Variants in MYH13 observed in about 807,000 individuals in gnomAD.
MYH13 encodes myosin-13.
In MYH13, 177 loss-of-function variants were observed where a neutral mutation model predicts 232.1. That is an observed-to-expected ratio of 0.76 (90% CI 0.67 to 0.86). MYH13 has a LOEUF of 0.86. MYH13 is among the 40% of genes least tolerant of loss of function. The pLI, the probability that MYH13 is intolerant of heterozygous loss-of-function variation, is 0.00. For synonymous variants in MYH13, 884 were observed against 923.5 expected, an observed-to-expected ratio of 0.96 and a Z score of 0.78; for missense variants, 2,246 against 2,405.9, an observed-to-expected ratio of 0.93 and a Z score of 1.39.
chr17:10,328,100 C>T lies in MYH13; in HGVS notation c.2457G>A (p.Gln819=), dbSNP rs2277644. The T allele has an allele frequency of 0.19, 309,139 of 1,613,528 alleles. 33,039 individuals are homozygous for T. Among genetic ancestry groups the T allele is most frequent in the East Asian group, 0.49 (21,975 of 44,822 alleles). ...CGTTCATAAAAGAGCGGATGTTGTACTGGATGCAGAAGATGGAGTCCCTGT... is the reference window on the plus strand; with the variant it reads ...CGTTCATAAAAGAGCGGATGTTGTATTGGATGCAGAAGATGGAGTCCCTGT... ...MERRDSIFCI[Q]YNIRSFMNVK... The change falls in exon 22 of 41, where the codon CAG becomes CAA. Residue 819 remains glutamine, a synonymous_variant. Coordinates refer to ENST00000252172, the MANE Select transcript of MYH13 (RefSeq NM_003802.3).
At chr17:10,301,537 C>G (rs1408798024) in intron 40 of MYH13, 32 bp downstream of exon 40, 4 of 1,613,100 alleles carry the variant, frequency 2.5e-6, no homozygotes, top group Non-Finnish European at 3.4e-6. Context: ...CTGTTCTTAG[C>G]TGGCCCCTAT....
chr17:10,355,255 G>T, intron 8 of MYH13, 108 bp from the exon 9 acceptor site: 1 of 1,225,120 alleles, frequency 8.2e-7, no homozygotes, highest in Non-Finnish European at 1.2e-6. Flanking sequence ...AAAAATGCTA[G>T]AGAACAGAAC....
chr17:10,359,108 T>A (rs546969878), intron 7 of MYH13, among the ~76,000 whole-genome samples: 1 of 152,334 alleles, frequency 6.6e-6, no homozygotes, highest in South Asian at 2.1e-4. Context: ...TTGGAATATC[T>A]GAAGTGATAA....
intron 2 of MYH13, among the ~76,000 whole-genome samples, chr17:10,364,858 G>C (rs2071821355): frequency 6.6e-6 from 1 of 151,886 alleles, no homozygotes; most frequent in East Asian, 1.9e-4. Context: ...CAATAAAAGA[G>C]GCTTCAGGAA....
chr17:10,370,824 T>A (rs2071872644), intron 2 of MYH13, among the ~76,000 whole-genome samples: 1 of 152,090 alleles, frequency 6.6e-6, no homozygotes, highest in East Asian at 1.9e-4. Flanking sequence ...GTATTACACG[T>A]GAGGGAAGGT....
Position 10,306,784 on chromosome 17 carries a change from C to A in MYH13, c.5295+155G>T, listed in dbSNP as rs1367150534. 6.6e-6 allele frequency among the ~76,000 whole-genome samples: 1 copy of A among 152,168 alleles called. No homozygotes were observed. Among genetic ancestry groups the A allele is most frequent in the Non-Finnish European group, 1.5e-5 (1 of 68,028 alleles). ...CCCCACAGCCTCCCCTCCCACTTTG[C>A]CACTGCTGAGACTGTACCTCATTAC... On this transcript the variant is annotated intron_variant, in intron 36 of 40. Coordinates refer to ENST00000252172, the MANE Select transcript of MYH13 (RefSeq NM_003802.3). The surrounding 1 kb of genome is among the most constrained non-coding windows in gnomAD (Gnocchi z 4.3).
rs570795510 is a variant in MYH13, at chr17:10,345,747, C to T, written c.1264-131G>A. 4.7e-5 allele frequency: 71 copies of T among 1,503,494 alleles called. 1 individual carries two copies. In the South Asian group the frequency reaches 7.5e-4, roughly 16 times the overall value. 93.1% of individuals were successfully genotyped at this position (1,503,494 alleles called of 1,614,324 possible). A position where few individuals can be genotyped will look rare whatever the true frequency, so the allele number is the denominator to read the frequency against. On this transcript the variant is annotated intron_variant, in intron 13 of 40. Transcript: ENST00000252172. ...TGGTGGCTCACACCTGTAATCCCAG[C>T]ACTTTGGGAGGCCAAGGCGGGCGGA...
At chr17:10,349,401 G>C (rs1344784470) in intron 12 of MYH13, among the ~76,000 whole-genome samples, 2 of 151,534 alleles carry the variant, frequency 1.3e-5, no homozygotes, top group Non-Finnish European at 2.9e-5. Flanking sequence ...TGCCCAGCCT[G>C]CTCATGACAT....
At position 10,324,064 on chromosome 17, in the gene MYH13, G is replaced by A. The variant is rs760281670; in HGVS notation, c.2892C>T (p.Thr964=). Residue 964 remains threonine, a synonymous_variant, in exon 23 of 41, where the codon ACC becomes ACT. Coordinates refer to ENST00000252172, the MANE Select transcript of MYH13 (RefSeq NM_003802.3). ...LKRDIDDLEL[T]LTKVEKEKHA... is the part of the protein sequence containing the mutation. ...GCTTCTCCTTTTCAACTTTCGTCAA[G>A]GTCAGCTCCAGGTCATCAATGTCTC... 9.9e-6 allele frequency: 16 copies of A among 1,613,928 alleles called. No homozygotes were observed. The Admixed American group carries it at 2.7e-4, about 27-fold the overall frequency.
intron 20 of MYH13, among the ~76,000 whole-genome samples, chr17:10,330,882 TG>T (rs1338255091): frequency 2.0e-5 from 3 of 151,994 alleles, no homozygotes; most frequent in Admixed American, 1.3e-4. Context: ...CCGGGCGTGG[TG>T]GTGGGGACCT....
intron 30 of MYH13, 63 bp from the exon 31 acceptor site, chr17:10,312,820 C>T (rs1263760778): frequency 1.3e-6 from 2 of 1,512,322 alleles, no homozygotes; most frequent in Non-Finnish European, 1.8e-6. Context: ...AGGTAACTGT[C>T]AGATGGGAAG....
Position 10,344,051 on chromosome 17 carries a change from G to A in MYH13, c.1643C>T (p.Thr548Ile). 1 of 1,614,204 alleles carries A rather than the reference G, an allele frequency of 6.2e-7. No individual in the cohort carries two copies. The highest frequency in any genetic ancestry group is 2.2e-5 in the East Asian group (1 of 44,876). ...EECMFPKATDTSFKNKLYDQH... is the reference protein window; with the variant it reads ...EECMFPKATDISFKNKLYDQH... ...GTCATACAGCTTGTTCTTGAAGGAG[G>A]TGTCTGTTGCCTTGGGGAACATGCA... Residue 548 changes from threonine (T) to isoleucine (I), a missense_variant, in exon 16 of 41, where the codon ACC becomes ATC. Transcript: ENST00000252172.
At chr17:10,364,672 T>C (rs2142150102) in intron 2 of MYH13, 130 bp from the exon 3 acceptor site, 2 of 734,570 alleles carry the variant, frequency 2.7e-6, no homozygotes, top group Non-Finnish European at 4.5e-6. Context: ...TCCTGAGGGA[T>C]CTATGGCCAG....
rs773949729 is a variant in MYH13, at chr17:10,320,200, C to T, written c.3301G>A (p.Glu1101Lys). The T allele has an allele frequency of 2.1e-5, 33 of 1,603,980 alleles. No individual in the cohort carries two copies. Among genetic ancestry groups the T allele is most frequent in the Middle Eastern group, 1.7e-4 (1 of 6,050 alleles). Reference protein sequence around the residue: ...LSQLQAKIDDEQVHSLQFQKK... With the variant: ...LSQLQAKIDDKQVHSLQFQKK... ...TGAAACTGCAAACTGTGGACTTGTT[C>T]GTCATCTATTTTGGCTTGTAACTGA... The change falls in exon 26 of 41, where the codon GAA becomes AAA. Residue 1101 changes from glutamate to lysine, a missense_variant. By Grantham distance (56) the Glu-to-Lys change is moderately conservative (BLOSUM62 1). Transcript: ENST00000252172.
At chr17:10,359,896 G>A in intron 7 of MYH13, 64 bp downstream of exon 7, 1 of 1,435,724 alleles carries the variant, frequency 7.0e-7, no homozygotes, top group Non-Finnish European at 9.8e-7. Context: ...TACACTTGGT[G>A]CTCATCCACG....
chr17:10,312,025 C>G lies in MYH13; in HGVS notation c.4417G>C (p.Ala1473Pro). 2 of 1,614,032 alleles carry G rather than the reference C, an allele frequency of 1.2e-6. No individual in the cohort carries two copies. Among genetic ancestry groups the G allele is most frequent in the Non-Finnish European group, 1.7e-6 (2 of 1,179,896 alleles). Reference sequence around the variant, plus strand: ...AGTGACCTGGACTCCTTCTGAGCAGCTTCCAACTCAGCCTGGCTTTCGTCC... The same window carrying G: ...AGTGACCTGGACTCCTTCTGAGCAGGTTCCAACTCAGCCTGGCTTTCGTCC... ...KLDESQAELE[A>P]AQKESRSLST... Residue 1473 changes from alanine to proline, a missense_variant, in exon 32 of 41, where the codon GCT (alanine) becomes CCT (proline). Transcript: ENST00000252172.
chr17:10,356,218 G>C (rs1316294090), intron 8 of MYH13, among the ~76,000 whole-genome samples: 1 of 152,150 alleles, frequency 6.6e-6, no homozygotes. Flanking sequence ...ATGAACCCCA[G>C]GAAAAGTTAG....
chr17:10,327,006 T>G (rs1907231145), intron 22 of MYH13, among the ~76,000 whole-genome samples: 1 of 36,022 alleles, frequency 2.8e-5, no homozygotes, highest in Non-Finnish European at 5.8e-5. Flanking sequence ...TTTTTTTTTT[T>G]TTTTTTTTTT....
chr17:10,369,468 TTAAAAAC>T (rs1365651541), intron 2 of MYH13, among the ~76,000 whole-genome samples: 1 of 152,140 alleles, frequency 6.6e-6, no homozygotes, highest in East Asian at 1.9e-4. Flanking sequence ...TAAGGTAACT[TTAAAAAC>T]AAATAAGAAA....
Sources: gnomAD v4.1 joint callset for allele counts (sites outside exome capture counted in the v4.1 genomes callset) on GRCh38, gnomAD v4.1.1 for gene constraint, Gnocchi (gnomAD v3.1) non-coding constraint, MANE v1.5 for transcripts, NCBI Gene and HGNC (gene_info 2026-07-23, HGNC 2026-07-21) for gene names.